PM20D2: variants seen among roughly 807,000 people sequenced by gnomAD.
The protein encoded by PM20D2 is peptidase M20 domain containing 2.
Under a neutral mutation model 42.9 loss-of-function variants are expected in PM20D2, and 33 were observed. The observed-to-expected ratio is 0.77, with a 90% CI of 0.58 to 1.03. PM20D2 has a LOEUF of 1.03. Ranked by LOEUF, PM20D2 falls within the 50% of genes least tolerant of loss-of-function variation. The pLI is 0.00. For synonymous variants in PM20D2, 250 were observed against 228.2 expected, an observed-to-expected ratio of 1.10 and a Z score of -0.86; for missense variants, 548 against 557.0, an observed-to-expected ratio of 0.98 and a Z score of 0.16.
intron 5 of PM20D2, among the ~76,000 whole-genome samples, chr6:89,160,496 G>A (rs1771200302): frequency 6.6e-6 from 1 of 152,198 alleles, no homozygotes. Flanking sequence ...GTCTCACTTT[G>A]CCTGCATGGT....
the PM20D2 span, chr6:89,096,626 A>G: frequency 6.6e-6 from 1 of 152,174 alleles, no homozygotes; most frequent in East Asian, 1.9e-4. Flanking sequence ...AGATACTATA[A>G]TCAATCCCTA....
chr6:89,116,813 C>G, the PM20D2 span, among the ~76,000 whole-genome samples: 1 of 151,156 alleles, frequency 6.6e-6, no homozygotes, highest in Admixed American at 6.6e-5. Context: ...AAATACTTAA[C>G]GTTTATTTAC....
chr6:89,119,040 T>G, the PM20D2 span, among the ~76,000 whole-genome samples: 1 of 152,100 alleles, frequency 6.6e-6, no homozygotes, highest in Admixed American at 6.6e-5. Context: ...CTCGCAGAAG[T>G]GGTAGGCTTT....
At chr6:89,138,930 T>G in the PM20D2 span, among the ~76,000 whole-genome samples, 10,693 of 152,196 alleles carry the variant, frequency 0.07, 1,126 homozygotes, top group African/African-American at 0.23. Context: ...TTGAACAAAC[T>G]TTTCCCCTAA....
chr6:89,107,325 A>C, the PM20D2 span: 1 of 1,256,242 alleles, frequency 8.0e-7, no homozygotes, highest in Non-Finnish European at 1.1e-6. Context: ...GCCTACAGAA[A>C]TCCACTTGAA....
chr6:89,113,560 C>T, the PM20D2 span, among the ~76,000 whole-genome samples: 35 of 152,160 alleles, frequency 2.3e-4, no homozygotes, highest in Admixed American at 1.6e-3. Context: ...CCACGTGCCT[C>T]GGCCTCCCAA....
rs1327696919 is a variant in PM20D2, at chr6:89,163,482, A to C, written c.*1219A>C. On this transcript the variant is annotated 3_prime_UTR_variant, in exon 7 of 7. Transcript: ENST00000275072. The stretch of plus-strand genomic sequence containing the variant: ...CAGGTATGAGACACCACACCTGCCC[A>C]TTTTTGTTTGGTTTTTTAATGGGCA... 1 of 151,744 alleles carries C rather than the reference A, an allele frequency of 6.6e-6. No individual in the cohort carries two copies. The highest frequency in any genetic ancestry group is 2.4e-5 in the African/African-American group (1 of 41,278). The allele number at this position is 151,744 out of a possible 1,614,324, so 9.4% of individuals were successfully genotyped here. A position where few individuals can be genotyped will look rare whatever the true frequency, so the allele number is the denominator to read the frequency against.
intron 2 of PM20D2, among the ~76,000 whole-genome samples, chr6:89,152,815 TTC>T (rs566780525): frequency 6.6e-6 from 1 of 152,190 alleles, no homozygotes; most frequent in Non-Finnish European, 1.5e-5. Flanking sequence ...TTTTCTCTTT[TTC>T]TCTCTTTTTT....
At chr6:89,109,874 G>A in the PM20D2 span, among the ~76,000 whole-genome samples, 3 of 152,234 alleles carry the variant, frequency 2.0e-5, no homozygotes, top group Admixed American at 1.3e-4. Flanking sequence ...GGCGGATTAC[G>A]AGGTCAGGAG....
At chr6:89,099,010 C>T in the PM20D2 span, 40 of 1,497,362 alleles carry the variant, frequency 2.7e-5, no homozygotes, top group Non-Finnish European at 3.5e-5. Context: ...GGAAATAACA[C>T]TTTCAGGAAC....
rs529893346 is a variant in PM20D2 at position 89,161,952 on chromosome 6, T to C, written c.1156+62T>C. 7 of 1,512,818 alleles carry C rather than the reference T, an allele frequency of 4.6e-6. No homozygotes were observed. In the African/African-American group the frequency reaches 9.6e-5, roughly 21 times the overall value. The allele number at this position is 1,512,818 out of a possible 1,614,324, so 93.7% of individuals were successfully genotyped here. On this transcript the variant is annotated intron_variant, in intron 6 of 6. Coordinates refer to ENST00000275072, the MANE Select transcript of PM20D2 (RefSeq NM_001010853.3). Reference sequence around the variant, plus strand: ...ACTCTTCTTCTGGTAGTAGCTGCCTTTCTGTTTAACCTACTATTTCACTAC... The same window carrying C: ...ACTCTTCTTCTGGTAGTAGCTGCCTCTCTGTTTAACCTACTATTTCACTAC...
chr6:89,152,102 A>C (rs2127777089), intron 2 of PM20D2, among the ~76,000 whole-genome samples: 1 of 152,278 alleles, frequency 6.6e-6, no homozygotes, highest in South Asian at 2.1e-4. Flanking sequence ...CCAAAAAAAA[A>C]AAAATTCATT....
rs775011061 is a variant in PM20D2, at chr6:89,146,344, A to G, written c.200A>G (p.Glu67Gly). ...CACCGCGTGCTGACGCACTTCTTCG[A>G]GCGGGAGCCGCCCGCGGCCTCCTGG... ...HAHRVLTHFF[E>G]REPPAASWAV... The change falls in exon 1 of 7, where the codon GAG (glutamate) becomes GGG (glycine). Residue 67 changes from glutamate (E) to glycine (G), a missense_variant. Glu to Gly is a moderately conservative substitution (Grantham distance 98). Around this residue, in one of 3 missense-constraint regions of PM20D2, gnomAD observed 470 missense variants for 464.4 expected, o/e 1.01. Coordinates refer to ENST00000275072, the MANE Select transcript of PM20D2 (RefSeq NM_001010853.3). The G allele has an allele frequency of 2.2e-5, 34 of 1,562,784 alleles. No individual in the cohort carries two copies. In the South Asian group the frequency reaches 3.6e-4, roughly 16 times the overall value.
At chr6:89,154,716 G>A (rs777369890) in intron 3 of PM20D2, 32 bp from the exon 4 acceptor site, 1 of 1,435,174 alleles carries the variant, frequency 7.0e-7, no homozygotes, top group South Asian at 1.5e-5. Context: ...TGGTCACCAA[G>A]CTTAATTCTA....
chr6:89,103,985 A>G, the PM20D2 span, among the ~76,000 whole-genome samples: 4 of 111,904 alleles, frequency 3.6e-5, no homozygotes, highest in East Asian at 5.6e-4. Flanking sequence ...GGATTTTATT[A>G]TATTTCTTTT....
chr6:89,100,458 C>T, the PM20D2 span, among the ~76,000 whole-genome samples: 1 of 151,532 alleles, frequency 6.6e-6, no homozygotes, highest in Non-Finnish European at 1.5e-5. Flanking sequence ...AGAAAACTGT[C>T]TTTGGAGAAT....
In PM20D2 at chr6:89,154,941, G is replaced by A. The variant is rs200307137; in HGVS notation, c.912+39G>A. 3.3e-6 allele frequency: 5 copies of A among 1,513,762 alleles called. No homozygotes were observed. The South Asian group carries it at 6.6e-5, about 20-fold the overall frequency. The allele number at this position is 1,513,762 out of a possible 1,614,324, so 93.8% of individuals were successfully genotyped here. On this transcript the variant is annotated intron_variant, in intron 4 of 6. Transcript: ENST00000275072. The stretch of plus-strand genomic sequence containing the variant: ...AAAGTTAATCTAAGTTACAATCAGA[G>A]GTATATATGTGGGCTAGCACTGTTA...
the PM20D2 span, among the ~76,000 whole-genome samples, chr6:89,114,543 T>TA: frequency 1.3e-5 from 2 of 152,138 alleles, no homozygotes; most frequent in Non-Finnish European, 2.9e-5. Flanking sequence ...CAACAAATGT[T>TA]AGAGATTTCA....
At chr6:89,128,801 T>A in the PM20D2 span, among the ~76,000 whole-genome samples, 1 of 152,200 alleles carries the variant, frequency 6.6e-6, no homozygotes, top group Non-Finnish European at 1.5e-5. Flanking sequence ...CTGACACTTA[T>A]GGAAAATAGA....
Sources: allele counts gnomAD v4.1 joint callset (sites outside exome capture counted in the v4.1 genomes callset), GRCh38; gene constraint gnomAD v4.1.1; regional missense constraint gnomAD v4.1.1; transcripts MANE v1.5; gene names NCBI Gene and HGNC (gene_info 2026-07-23, HGNC 2026-07-21).